BMX: variants seen among roughly 807,000 people sequenced by gnomAD.
BMX encodes cytoplasmic tyrosine-protein kinase BMX.
Under a neutral mutation model 59.2 loss-of-function variants are expected in BMX, and 31 were observed. The observed-to-expected ratio is 0.52, with a 90% confidence interval of 0.39 to 0.71. The LOEUF (loss-of-function observed/expected upper bound fraction) is 0.71. BMX is among the 30% of genes least tolerant of loss of function. The pLI, the probability that BMX is intolerant of heterozygous loss-of-function variation, is 0.00. For missense variants in BMX, 474 were observed against 491.7 expected (o/e 0.96, Z 0.34); for synonymous variants, 185 against 181.0 (o/e 1.02, Z -0.18).
chrX:15,546,642 T>A (rs1208308270), intron 16 of BMX, among the ~76,000 whole-genome samples, 161 bp from the exon 17 acceptor site: 3 of 111,736 alleles, frequency 2.7e-5, no homozygotes, highest in Non-Finnish European at 5.6e-5. Flanking sequence ...TTTTAAATGC[T>A]TACAAACCAT....
rs563196598 is a variant in BMX at position 15,550,144 on chromosome X, T to G, written c.1953+147T>G. 2.5e-4 allele frequency: 176 copies of G among 698,252 alleles called. No individual in the cohort carries two copies. The Middle Eastern group carries it at 0.011, about 44-fold the overall frequency. The allele number at this position is 698,252 out of a possible 1,213,427, so 57.5% of individuals were successfully genotyped here. ...TCCTCAGCCCCTGCCCTAAAATGTT[T>G]GTAATCTAAAACATGCGGGTGCCAA... On this transcript the variant is annotated intron_variant, in intron 18 of 18. Transcript: ENST00000348343.
chrX:15,538,687 G>A (rs1925500432), intron 14 of BMX, among the ~76,000 whole-genome samples: 1 of 111,936 alleles, frequency 8.9e-6, no homozygotes, highest in African/African-American at 3.3e-5. Context: ...CGGCAAGCTA[G>A]TAAAAGTCGA....
At chrX:15,527,188 T>C (rs1179556562) in intron 9 of BMX, among the ~76,000 whole-genome samples, 1 of 51,336 alleles carries the variant, frequency 1.9e-5, no homozygotes, top group Admixed American at 3.4e-4. Context: ...AGCAAGACTC[T>C]GTCTCAAAAA....
At chrX:15,544,540 C>T (rs756495085) in intron 16 of BMX, among the ~76,000 whole-genome samples, 20 of 111,662 alleles carry the variant, frequency 1.8e-4, no homozygotes, top group African/African-American at 5.9e-4. Flanking sequence ...CATGCTTTCA[C>T]GTTCTCTGTA....
chrX:15,527,277 TATATATACACAC>T (rs1924823598), intron 9 of BMX, among the ~76,000 whole-genome samples: 3 of 49,436 alleles, frequency 6.1e-5, no homozygotes, highest in African/African-American at 2.5e-4. Flanking sequence ...TATATATATA[TATATATACACAC>T]ACACACACAC....
In BMX at chrX:15,516,127, C is replaced by T; in HGVS notation, c.341C>T (p.Pro114Leu). ...KALQKEIRGN[P>L]HLLVKYHSGF... ...TGCTCCTCAGAGATAAGGGGTAACC[C>T]CCACCTGCTGGTCAAGTACCATAGT... The change falls in exon 5 of 19, where the codon CCC (proline) becomes CTC (leucine). Residue 114 changes from proline (P) to leucine (L), a missense_variant. Transcript: ENST00000348343. The T allele has an allele frequency of 8.3e-7, 1 of 1,210,670 alleles. No individual in the cohort carries two copies.
At chrX:15,517,571 C>G (rs1188947959) in intron 5 of BMX, among the ~76,000 whole-genome samples, 4 of 112,512 alleles carry the variant, frequency 3.6e-5, no homozygotes, top group African/African-American at 1.3e-4. Flanking sequence ...AGAGGTGTTG[C>G]AGCTCCTGAG....
chrX:15,537,231 T>C lies in BMX; in HGVS notation c.1320T>C (p.Tyr440=). 1 of 1,210,503 alleles carries C rather than the reference T, an allele frequency of 8.3e-7. No homozygotes were observed. The highest frequency in any genetic ancestry group is 1.1e-6 in the Non-Finnish European group (1 of 895,078). Residue 440 remains tyrosine, a synonymous_variant, in exon 14 of 19, where the codon TAT becomes TAC. Transcript: ENST00000348343. ...VVQLGKWKGQ[Y]DVAVKMIKEG... is the part of the protein sequence containing the mutation. The stretch of plus-strand genomic sequence containing the variant: ...AGCTGGGCAAGTGGAAGGGGCAGTA[T>C]GATGTTGCTGTTAAGATGATCAAGG...
At chrX:15,512,261 CA>C (rs1376051175) in intron 4 of BMX, among the ~76,000 whole-genome samples, 10 of 111,799 alleles carry the variant, frequency 8.9e-5, no homozygotes, top group African/African-American at 3.3e-4. Flanking sequence ...GTGATATTTT[CA>C]AGATGGGTAA....
intron 18 of BMX, among the ~76,000 whole-genome samples, chrX:15,550,480 C>G (rs1180236236): frequency 9.0e-6 from 1 of 110,936 alleles, no homozygotes; most frequent in Non-Finnish European, 1.9e-5. Context: ...TTCTCTCCCC[C>G]TGCCTCCCAA....
chrX:15,514,083 T>C (rs1284817245), intron 4 of BMX, among the ~76,000 whole-genome samples: 1 of 111,558 alleles, frequency 9.0e-6, no homozygotes, highest in Non-Finnish European at 1.9e-5. Flanking sequence ...AAAGAATTAG[T>C]TACCCAGGAA....
At chrX:15,537,096 TA>T (rs747577674) in intron 13 of BMX, 37 bp from the exon 14 acceptor site, 1 of 1,202,782 alleles carries the variant, frequency 8.3e-7, no homozygotes, top group South Asian at 1.8e-5. Context: ...CAAAGCTTTC[TA>T]TGCTCGTCCT....
chrX:15,535,629 T>C (rs1925294064), intron 12 of BMX, among the ~76,000 whole-genome samples: 1 of 111,978 alleles, frequency 8.9e-6, no homozygotes, highest in African/African-American at 3.2e-5. Flanking sequence ...ATATATTTTA[T>C]AGAAATGTAC....
Position 15,500,957 on chromosome X carries a change from G to A in BMX, c.-10+17G>A. 1 of 754,627 alleles carries A rather than the reference G, an allele frequency of 1.3e-6. No individual in the cohort carries two copies. The highest frequency in any genetic ancestry group is 1.6e-6 in the Non-Finnish European group (1 of 639,429). 62.2% of individuals were successfully genotyped at this position (754,627 alleles called of 1,213,427 possible). ...GCTGAGACGGTGCGTTTAAGCGGCA[G>A]GTGGCTACTCAGTGTCGCATACTAT... is the stretch of plus-strand genomic sequence containing the variant. On this transcript the variant is annotated intron_variant, in intron 1 of 18. Transcript: ENST00000348343.
chrX:15,537,425 T>C, intron 14 of BMX, 120 bp downstream of exon 14: 2 of 756,010 alleles, frequency 2.6e-6, no homozygotes, highest in African/African-American at 2.2e-5. Flanking sequence ...ATCATAGACA[T>C]AAATATTTAG....
At position 15,536,410 on chromosome X, in the gene BMX, CTG is replaced by C; in HGVS notation, c.1209_1210del (p.Ser404ProfsTer37). 4 of 1,206,727 alleles carry C rather than the reference CTG, an allele frequency of 3.3e-6. No homozygotes were observed. Among genetic ancestry groups the C allele is most frequent in the Non-Finnish European group, 4.5e-6 (4 of 892,637 alleles). ...ACAAAGGCCAACAAGGTCCCCGACT[CTG>C]TGTCCCTGGGAAATGGTATGGATAC... is the stretch of plus-strand genomic sequence containing the variant. On this transcript the variant is annotated frameshift_variant, in exon 13 of 19. Transcript: ENST00000348343. LOFTEE classifies it high-confidence loss of function.
chrX:15,524,174 C>G (rs1020310222), intron 7 of BMX, among the ~76,000 whole-genome samples: 5 of 111,978 alleles, frequency 4.5e-5, no homozygotes, highest in Non-Finnish European at 9.4e-5. Context: ...TTTACATTCC[C>G]CTAAAATGTT....
chrX:15,516,077 G>T (rs775663055), intron 4 of BMX, 35 bp from the exon 5 acceptor site: 1 of 1,200,861 alleles, frequency 8.3e-7, no homozygotes, highest in South Asian at 1.8e-5. Flanking sequence ...ATCAACGTTT[G>T]CTAACGTCTT....
intron 1 of BMX, among the ~76,000 whole-genome samples, chrX:15,505,245 G>A (rs753814600): frequency 1.8e-5 from 2 of 112,283 alleles, no homozygotes; most frequent in Admixed American, 9.4e-5. Context: ...AGAAAGGCAA[G>A]CCCAAGCCTG....
Sources: allele counts gnomAD v4.1 joint callset (sites outside exome capture counted in the v4.1 genomes callset), GRCh38; gene constraint gnomAD v4.1.1; transcripts MANE v1.5; gene names NCBI Gene and HGNC (gene_info 2026-07-23, HGNC 2026-07-21).